The following RNF44 variants were observed in gnomAD, a reference collection of about 807,000 sequenced individuals.
The protein encoded by RNF44 is ring finger protein 44.
A neutral mutation model predicts 53.6 loss-of-function variants in RNF44; 25 were observed. That is an observed-to-expected ratio of 0.47 (90% CI 0.34 to 0.65). The LOEUF (loss-of-function observed/expected upper bound fraction) is 0.65. Ranked by LOEUF, RNF44 falls within the 30% of genes least tolerant of loss-of-function variation. The pLI is 0.01. For missense variants in RNF44, 581 were observed against 595.5 expected (o/e 0.98, Z 0.25); for synonymous variants, 282 against 252.2 (o/e 1.12, Z -1.12).
chr5:176,533,773 G>A lies in RNF44; in HGVS notation c.-44-1257C>T, dbSNP rs527884000. On this transcript the variant is annotated intron_variant, in intron 1 of 10. Coordinates refer to ENST00000274811, the MANE Select transcript of RNF44 (RefSeq NM_014901.5). ...GGACCTGGCTCAACCTCAGGGTTCCGCTCAACTCAAAGTTGGGACGAGGCC... is the reference window on the plus strand; with the variant it reads ...GGACCTGGCTCAACCTCAGGGTTCCACTCAACTCAAAGTTGGGACGAGGCC... Among the ~76,000 whole-genome samples the A allele has an allele frequency of 1.1e-4, 17 of 152,336 alleles. 1 individual carries two copies. In the South Asian group the frequency reaches 3.1e-3, roughly 28 times the overall value.
intron 5 of RNF44, 25 bp from the exon 6 acceptor site, chr5:176,530,768 C>G (rs1158361828): frequency 6.6e-7 from 1 of 1,510,348 alleles, no homozygotes; most frequent in Admixed American, 2.4e-5. Context: ...GCCGGGTCAG[C>G]AAGTCAGTGA....
In RNF44 at chr5:176,529,763, C is replaced by G. The variant is rs1464639145; in HGVS notation, c.982G>C (p.Asp328His). 6.2e-7 allele frequency: 1 copy of G among 1,612,218 alleles called. No homozygotes were observed. The highest frequency in any genetic ancestry group is 1.7e-5 in the Admixed American group (1 of 59,842). The change falls in exon 8 of 11, where the codon GAC becomes CAC. Residue 328 changes from aspartate (D) to histidine (H), a missense_variant. This residue lies in a region of RNF44 where 183 missense variants were observed against 198.6 expected (regional missense o/e 0.92). Coordinates refer to ENST00000274811, the MANE Select transcript of RNF44 (RefSeq NM_014901.5). ...TTCTCCATCTCCACATCATCCACGT[C>G]CAGGTCCAGGCTGATGGTGGGCCCC... is the stretch of plus-strand genomic sequence containing the variant. ...AMGPTISLDLDVDDVEMENYE... is the reference protein window; with the variant it reads ...AMGPTISLDLHVDDVEMENYE...
intron 1 of RNF44, among the ~76,000 whole-genome samples, chr5:176,534,108 GC>G (rs1756954859): frequency 6.6e-6 from 1 of 152,342 alleles, no homozygotes; most frequent in East Asian, 1.9e-4. Flanking sequence ...GGAGACCGGG[GC>G]CCGACCAGCA....
rs1756598855 is a variant in RNF44 at position 176,530,917 on chromosome 5, T to TGGTTGGGGGGGGGGGGGGGGGGGG, written c.569_570insCCCCCCCCCCCCCCCCCCCCAACC (p.Pro192_Gln193insProProProProGlnProProPro). The TGGTTGGGGGGGGGGGGGGGGGGGG allele has an allele frequency of 4.3e-6, 1 of 232,842 alleles. No homozygotes were observed. Among genetic ancestry groups the TGGTTGGGGGGGGGGGGGGGGGGGG allele is most frequent in the Non-Finnish European group, 7.0e-6 (1 of 143,568 alleles). The allele number at this position is 232,842 out of a possible 1,614,324, so 14.4% of individuals were successfully genotyped here. On this transcript the variant is annotated inframe_insertion, in exon 5 of 11. Coordinates refer to ENST00000274811, the MANE Select transcript of RNF44 (RefSeq NM_014901.5). ...GCGCCATGTGGGTGGGCTGGGGGGG[T>TGGTTGGGGGGGGGGGGGGGGGGGG]GGGGCCGGTGGTGGGGGGTGCAGGA...
intron 1 of RNF44, among the ~76,000 whole-genome samples, chr5:176,533,603 C>A (rs1161156947): frequency 6.6e-6 from 1 of 152,152 alleles, no homozygotes; most frequent in African/African-American, 2.4e-5. Context: ...CTCTGGGGCC[C>A]CCAACCCAGC....
At position 176,530,921 on chromosome 5, in the gene RNF44, G is replaced by GGGGC; in HGVS notation, c.565_566insGCCC (p.Ala189GlyfsTer144). 1 of 778,460 alleles carries GGGGC rather than the reference G, an allele frequency of 1.3e-6. No homozygotes were observed. The highest frequency in any genetic ancestry group is 1.9e-6 in the Non-Finnish European group (1 of 514,210). The allele number at this position is 778,460 out of a possible 1,614,324, so 48.2% of individuals were successfully genotyped here. ...CATGTGGGTGGGCTGGGGGGGTGGG[G>GGGGC]CCGGTGGTGGGGGGTGCAGGATGTA... On this transcript the variant is annotated frameshift_variant, in exon 5 of 11. Transcript: ENST00000274811. LOFTEE classifies it high-confidence loss of function.
upstream of RNF44, among the ~76,000 whole-genome samples, chr5:176,538,566 TCAATAACGA>T (rs1199319536): frequency 1.3e-5 from 2 of 152,088 alleles, no homozygotes; most frequent in Admixed American, 1.3e-4. Flanking sequence ...ATGCATATAA[TCAATAACGA>T]CTCTTGGGCA....
chr5:176,542,795 G>C (rs1194080780), upstream of RNF44: 1 of 152,360 alleles, frequency 6.6e-6, no homozygotes, highest in Non-Finnish European at 1.5e-5. Flanking sequence ...AAGTGCAGCG[G>C]TCTGTTCCCC....
At chr5:176,542,244 T>C (rs1757464524), upstream of RNF44, among the ~76,000 whole-genome samples, 1 of 152,074 alleles carries the variant, frequency 6.6e-6, no homozygotes, top group South Asian at 2.1e-4. Flanking sequence ...ACAGAGCCCC[T>C]GAGGCCAGCC....
chr5:176,530,135 C>A lies in RNF44; in HGVS notation c.873G>T (p.Pro291=), dbSNP rs754599046. 4.0e-6 allele frequency: 2 copies of A among 494,568 alleles called. No homozygotes were observed. The highest frequency in any genetic ancestry group is 4.6e-6 in the Non-Finnish European group (2 of 435,470). 30.6% of individuals were successfully genotyped at this position (494,568 alleles called of 1,614,324 possible). ...RYRLQQPLPP[P]PPPPPPPPYY... The stretch of plus-strand genomic sequence containing the variant: ...AGGGTGGTGGGGGTGGGGGTGGGGG[C>A]GGCGGGGGCAGTGGCTGCTGCAGGC... The change falls in exon 7 of 11, where the codon CCG becomes CCT. Residue 291 remains proline (P), a synonymous_variant. Coordinates refer to ENST00000274811, the MANE Select transcript of RNF44 (RefSeq NM_014901.5).
At chr5:176,541,156 C>T (rs1168858523), upstream of RNF44, among the ~76,000 whole-genome samples, 1 of 152,156 alleles carries the variant, frequency 6.6e-6, no homozygotes, top group Non-Finnish European at 1.5e-5. Context: ...TGGGAGTGGC[C>T]CACCTCTGCT....
At chr5:176,534,113 AC>A (rs1756955565) in intron 1 of RNF44, among the ~76,000 whole-genome samples, 1 of 152,208 alleles carries the variant, frequency 6.6e-6, no homozygotes, top group South Asian at 2.1e-4. Context: ...CCGGGGCCCG[AC>A]CAGCAGAGGG....
upstream of RNF44, among the ~76,000 whole-genome samples, chr5:176,540,152 G>A (rs1369426800): frequency 2.0e-5 from 3 of 152,098 alleles, no homozygotes; most frequent in Non-Finnish European, 4.4e-5. Flanking sequence ...TGTCACAATC[G>A]CTGTGTGTCT....
Position 176,532,469 on chromosome 5 carries a change from G to T in RNF44, c.4C>A (p.Arg2=). 1 of 1,569,518 alleles carries T rather than the reference G, an allele frequency of 6.4e-7. No individual in the cohort carries two copies. Among genetic ancestry groups the T allele is most frequent in the East Asian group, 2.3e-5 (1 of 44,192 alleles). ...CTAGTCACTGCCAGAGCCCATGGTC[G>T]CATCGGGGGGGCAGGGGGGTGGAGG... is the stretch of plus-strand genomic sequence containing the variant. M[R]PWALAVTRWP... The change falls in exon 2 of 11, where the codon CGA becomes AGA. Residue 2 remains arginine (R), a synonymous_variant. Coordinates refer to ENST00000274811, the MANE Select transcript of RNF44 (RefSeq NM_014901.5).
chr5:176,529,960 A>C, intron 7 of RNF44, 122 bp downstream of exon 7: 1 of 1,391,574 alleles, frequency 7.2e-7, no homozygotes, highest in Non-Finnish European at 9.6e-7. Context: ...TGTCAGGTTA[A>C]GGGGGGAACG....
In RNF44 at chr5:176,528,510, T is replaced by C. The variant is rs1756245915; in HGVS notation, c.*518A>G. 1 of 155,850 alleles carries C rather than the reference T, an allele frequency of 6.4e-6. No individual in the cohort carries two copies. The highest frequency in any genetic ancestry group is 1.4e-5 in the Non-Finnish European group (1 of 70,594). The allele number at this position is 155,850 out of a possible 1,614,324, so 9.7% of individuals were successfully genotyped here. A position where few individuals can be genotyped will look rare whatever the true frequency, so the allele number is the denominator to read the frequency against. On this transcript the variant is annotated 3_prime_UTR_variant, in exon 11 of 11. Coordinates refer to ENST00000274811, the MANE Select transcript of RNF44 (RefSeq NM_014901.5). ...AGCAGCCAACACAGAGCCAGCTGCC[T>C]GAGTTCACTGTTCGGGGTCAAGGAG...
Position 176,530,718 on chromosome 5 carries a change from A to G in RNF44, c.665T>C (p.Val222Ala). The change falls in exon 6 of 11, where the codon GTG becomes GCG. Residue 222 changes from valine to alanine, a missense_variant. Physicochemically the swap from Val to Ala is moderately conservative, Grantham distance 64. Transcript: ENST00000274811. ...RMPLQRLDND[V>A]DLRGDQPSLG... ...GGAGGGCTGGTCCCCACGCAGGTCC[A>G]CGTCGTTGTCGAGCCGCTGGAGGGG... is the stretch of plus-strand genomic sequence containing the variant. 3 of 1,549,066 alleles carry G rather than the reference A, an allele frequency of 1.9e-6. No homozygotes were observed. The highest frequency in any genetic ancestry group is 1.4e-5 in the African/African-American group (1 of 71,828).
In RNF44 at chr5:176,530,150, C is replaced by T. The variant is rs1324486092; in HGVS notation, c.858G>A (p.Gln286=). Residue 286 remains glutamine (Q), a synonymous_variant, in exon 7 of 11, where the codon CAG becomes CAA. Transcript: ENST00000274811. ...RLSTQRYRLQ[Q]PLPPPPPPPP... ...GGGGTGGGGGCGGCGGGGGCAGTGG[C>T]TGCTGCAGGCGGTATCTCTGGGTGC... 2 of 1,305,664 alleles carry T rather than the reference C, an allele frequency of 1.5e-6. No homozygotes were observed. The highest frequency in any genetic ancestry group is 7.6e-5 in the Admixed American group (2 of 26,316). 80.9% of individuals were successfully genotyped at this position (1,305,664 alleles called of 1,614,324 possible).
At position 176,532,020 on chromosome 5, in the gene RNF44, A is replaced by G. The variant is rs1393666407; in HGVS notation, c.281T>C (p.Val94Ala). 1 of 1,611,198 alleles carries G rather than the reference A, an allele frequency of 6.2e-7. No homozygotes were observed. The highest frequency in any genetic ancestry group is 2.2e-5 in the East Asian group (1 of 44,834). Residue 94 changes from valine (V) to alanine (A), a missense_variant, in exon 3 of 11, where the codon GTT becomes GCT. Around this residue, in one of 3 missense-constraint regions of RNF44, gnomAD observed 387 missense variants for 366.0 expected, o/e 1.06. Transcript: ENST00000274811. ...TCTGCCTACCTGCTCGTGGAGATCAACCATGAACGGGCTCTGCTGGGTGGC... is the reference window on the plus strand; with the variant it reads ...TCTGCCTACCTGCTCGTGGAGATCAGCCATGAACGGGCTCTGCTGGGTGGC... ...HPATQQSPFM[V>A]DLHEQVHQGP...
Sources: gnomAD v4.1 joint callset for allele counts (sites outside exome capture counted in the v4.1 genomes callset) on GRCh38, gnomAD v4.1.1 for gene constraint, gnomAD v4.1.1 regional missense constraint, MANE v1.5 for transcripts, NCBI Gene and HGNC (gene_info 2026-07-23, HGNC 2026-07-21) for gene names.